The following IL22RA2 variants were observed in gnomAD, a reference collection of about 807,000 sequenced individuals.
The protein encoded by IL22RA2 is interleukin 22 receptor subunit alpha 2.
Under a neutral mutation model 30.7 loss-of-function variants are expected in IL22RA2, and 39 were observed. The observed-to-expected ratio is 1.27, with a 90% CI of 0.98 to 1.66. IL22RA2 has a LOEUF of 1.66. Among genes scored for constraint, IL22RA2 ranks in the 40% most tolerant of loss-of-function variants. The pLI is 0.00. For synonymous variants in IL22RA2, 103 were observed against 105.0 expected, an observed-to-expected ratio of 0.98 and a Z score of 0.11; for missense variants, 315 against 312.7, an observed-to-expected ratio of 1.01 and a Z score of -0.05.
intron 3 of IL22RA2, among the ~76,000 whole-genome samples, chr6:137,157,668 C>T (rs1054807606): frequency 6.6e-6 from 1 of 151,844 alleles, no homozygotes; most frequent in Non-Finnish European, 1.5e-5. Context: ...AGGATTGAGC[C>T]TCAACCCCCC....
Position 137,158,385 on chromosome 6 carries a change from A to G in IL22RA2, c.159T>C (p.Leu53=), listed in dbSNP as rs772042407. ...CAAAATAGACACTGCTGTTGCCAGT[A>G]AGTGCCCTCCCAGGCTGCCATTGCA... is the stretch of plus-strand genomic sequence containing the variant. The part of the protein sequence containing the change: ...NILQWQPGRA[L]TGNSSVYFVQ... Residue 53 remains leucine, a synonymous_variant, in exon 3 of 7, where the codon CTT becomes CTC. Coordinates refer to ENST00000296980, the MANE Select transcript of IL22RA2 (RefSeq NM_052962.3). 8 of 1,614,186 alleles carry G rather than the reference A, an allele frequency of 5.0e-6. No homozygotes were observed. The highest frequency in any genetic ancestry group is 6.8e-6 in the Non-Finnish European group (8 of 1,180,012).
chr6:137,170,869 C>T (rs555598848), intron 1 of IL22RA2, among the ~76,000 whole-genome samples: 116 of 152,084 alleles, frequency 7.6e-4, no homozygotes, highest in African/African-American at 1.6e-3. Context: ...AAGGAACAAT[C>T]GATAAACTAG....
At chr6:137,172,091 G>T (rs1410349311) in intron 1 of IL22RA2, among the ~76,000 whole-genome samples, 1 of 152,188 alleles carries the variant, frequency 6.6e-6, no homozygotes, top group African/African-American at 2.4e-5. Context: ...TTAAATGGGG[G>T]ATGATAATGT....
chr6:137,164,316 C>T (rs946889717), intron 1 of IL22RA2, among the ~76,000 whole-genome samples: 1 of 152,114 alleles, frequency 6.6e-6, no homozygotes, highest in Non-Finnish European at 1.5e-5. Flanking sequence ...GCTTGGAGAA[C>T]AGCCCGGGCA....
In IL22RA2 at chr6:137,145,774, C is replaced by G. The variant is rs147617148; in HGVS notation, c.643-1G>C. The G allele has an allele frequency of 1.2e-6, 2 of 1,613,742 alleles. No homozygotes were observed. The highest frequency in any genetic ancestry group is 8.5e-7 in the Non-Finnish European group (1 of 1,179,872). On this transcript the variant is annotated splice_acceptor_variant, in intron 6 of 6. Transcript: ENST00000296980. LOFTEE classifies it high-confidence loss of function. ...GAGCCCCTTCATAAACCTTTTGCTC[C>G]TACACACGAGAGAGAAAATAATCAG...
chr6:137,150,198 C>T (rs1306810280), intron 5 of IL22RA2, among the ~76,000 whole-genome samples: 4 of 152,200 alleles, frequency 2.6e-5, no homozygotes, highest in African/African-American at 9.6e-5. Context: ...ATGCATGCAG[C>T]TGGCTCATTA....
At chr6:137,164,819 G>C (rs1427504991) in intron 1 of IL22RA2, among the ~76,000 whole-genome samples, 1 of 152,200 alleles carries the variant, frequency 6.6e-6, no homozygotes. Context: ...GGGGAGAACA[G>C]CTCTTCTTTT....
chr6:137,155,004 C>T lies in IL22RA2; in HGVS notation c.409G>A (p.Ala137Thr). 1 of 1,614,084 alleles carries T rather than the reference C, an allele frequency of 6.2e-7. No homozygotes were observed. The highest frequency in any genetic ancestry group is 1.3e-5 in the African/African-American group (1 of 75,034). ...TCTGAGTAGCTCCCAGCCGAGGCCG[C>T]CCTCACCCTCCCGTAATAAGGTTCC... ...IQEPYYGRVR[A>T]ASAGSYSEWS... The change falls in exon 5 of 7, where the codon GCG (alanine) becomes ACG (threonine). Residue 137 changes from alanine (A) to threonine (T), a missense_variant. By Grantham distance (58) the Ala-to-Thr change is moderately conservative. Transcript: ENST00000296980.
chr6:137,147,633 T>C, intron 6 of IL22RA2, 89 bp downstream of exon 6: 1 of 1,046,158 alleles, frequency 9.6e-7, no homozygotes. Flanking sequence ...GGAGGCAGAG[T>C]AGCAGAAGAG....
intron 5 of IL22RA2, 104 bp from the exon 6 acceptor site, chr6:137,147,995 C>G (rs1462593597): frequency 9.7e-7 from 1 of 1,030,686 alleles, no homozygotes; most frequent in African/African-American, 1.6e-5. Flanking sequence ...ATCACCTGAG[C>G]CCAGGGAGGC....
At chr6:137,162,423 C>T (rs981646635) in intron 1 of IL22RA2, among the ~76,000 whole-genome samples, 1 of 152,168 alleles carries the variant, frequency 6.6e-6, no homozygotes, top group African/African-American at 2.4e-5. Context: ...TAGCTAATGC[C>T]TCTTCCTCTT....
intron 2 of IL22RA2, among the ~76,000 whole-genome samples, chr6:137,160,220 C>T (rs571732427): frequency 6.6e-6 from 1 of 152,348 alleles, no homozygotes; most frequent in East Asian, 1.9e-4. Flanking sequence ...CTTAATCTCT[C>T]TGTCTATGGA....
rs946595325 is a variant in IL22RA2 at position 137,147,879 on chromosome 6, G to A, written c.485C>T (p.Pro162Leu). The change falls in exon 6 of 7, where the codon CCT (proline) becomes CTT (leucine). Residue 162 changes from proline to leucine, a missense_variant. Physicochemically the swap from Pro to Leu is moderately conservative, Grantham distance 98. Coordinates refer to ENST00000296980, the MANE Select transcript of IL22RA2 (RefSeq NM_052962.3). Reference sequence around the variant, plus strand: ...GACTTGGGTTATATTCATGACTGGAGGATCTATTTTTGCTGAAGAAAAAAC... The same window carrying A: ...GACTTGGGTTATATTCATGACTGGAAGATCTATTTTTGCTGAAGAAAAAAC... ...FTPWWETKID[P>L]PVMNITQVNG... 2.5e-6 allele frequency: 4 copies of A among 1,609,448 alleles called. No homozygotes were observed. The Admixed American group carries it at 5.1e-5, about 21-fold the overall frequency.
intron 6 of IL22RA2, among the ~76,000 whole-genome samples, chr6:137,146,508 A>G (rs1055589608): frequency 6.6e-6 from 1 of 152,162 alleles, no homozygotes; most frequent in African/African-American, 2.4e-5. Flanking sequence ...CCGGCACTCT[A>G]CGTCCTGCCT....
rs534451084 is a variant in IL22RA2 at position 137,159,297 on chromosome 6, G to A, written c.62-815C>T. ...CAAGGTTTTTTATAAGGGATAAGAA[G>A]TTGGGCAGAAGGAGGAGTCAAGAAG... On this transcript the variant is annotated intron_variant, in intron 2 of 6. Transcript: ENST00000296980. 5.3e-4 allele frequency among the ~76,000 whole-genome samples: 81 copies of A among 152,202 alleles called. 2 individuals are homozygous for A. The highest frequency in any genetic ancestry group is 1.8e-3 in the African/African-American group (74 of 41,506).
chr6:137,147,949 G>A (rs1003001644), intron 5 of IL22RA2, 58 bp from the exon 6 acceptor site: 34 of 1,435,406 alleles, frequency 2.4e-5, no homozygotes, highest in African/African-American at 2.9e-5. Flanking sequence ...ATATACAGAC[G>A]CATTATGTAT....
chr6:137,168,563 A>G (rs1340306827), intron 1 of IL22RA2, among the ~76,000 whole-genome samples: 2 of 152,244 alleles, frequency 1.3e-5, no homozygotes, highest in Admixed American at 1.3e-4. Context: ...AGGCCATAAT[A>G]GGAGAGTCCG....
Position 137,146,036 on chromosome 6 carries a change from T to C in IL22RA2, c.643-263A>G, listed in dbSNP as rs533937592. Among the ~76,000 whole-genome samples the C allele has an allele frequency of 1.7e-3, 263 of 152,216 alleles. 1 individual carries two copies. The highest frequency in any genetic ancestry group is 3.0e-3 in the Non-Finnish European group (204 of 67,998). On this transcript the variant is annotated intron_variant, in intron 6 of 6. Coordinates refer to ENST00000296980, the MANE Select transcript of IL22RA2 (RefSeq NM_052962.3). ...TGGTCAGAGTCTTGTTTTTAAGAAT[T>C]TTGTTTGTTTTTTGAGATACAGTTT...
chr6:137,160,527 G>C (rs150968874), intron 2 of IL22RA2, among the ~76,000 whole-genome samples: 1 of 152,296 alleles, frequency 6.6e-6, no homozygotes, highest in Non-Finnish European at 1.5e-5. Flanking sequence ...GGAGAGAGGA[G>C]CTAATGAAAG....
Sources: allele counts gnomAD v4.1 joint callset (sites outside exome capture counted in the v4.1 genomes callset), GRCh38; gene constraint gnomAD v4.1.1; transcripts MANE v1.5; gene names NCBI Gene and HGNC (gene_info 2026-07-23, HGNC 2026-07-21).